RNF111: variants seen among roughly 807,000 people sequenced by gnomAD.
RNF111 encodes the protein E3 ubiquitin-protein ligase Arkadia.
Under a neutral mutation model 95.1 loss-of-function variants are expected in RNF111, and 17 were observed. The ratio of observed to expected loss-of-function variants is 0.18; its 90% CI spans 0.12 to 0.27. The LOEUF is 0.27. RNF111 is among the 10% of genes least tolerant of loss of function. The pLI is 1.00. For missense variants in RNF111, 1,189 were observed against 1,210.4 expected, an observed-to-expected ratio of 0.98 and a Z score of 0.26; for synonymous variants, 440 against 414.8, an observed-to-expected ratio of 1.06 and a Z score of -0.74.
intron 2 of RNF111, among the ~76,000 whole-genome samples, chr15:59,039,036 C>G (rs748205265): frequency 2.7e-4 from 41 of 152,198 alleles, no homozygotes; most frequent in African/African-American, 8.9e-4. Flanking sequence ...ACGATCTCAG[C>G]TCACCGCAAC....
intron 5 of RNF111, among the ~76,000 whole-genome samples, chr15:59,062,102 G>A (rs1430386741): frequency 2.0e-5 from 3 of 146,632 alleles, no homozygotes; most frequent in Non-Finnish European, 4.5e-5. Context: ...TGTCACGTAG[G>A]CTAGAGTGCA....
At position 59,029,931 on chromosome 15, in the gene RNF111, A is replaced by G. The variant is rs545676562; in HGVS notation, c.-19-873A>G. On this transcript the variant is annotated intron_variant, in intron 1 of 13. Transcript: ENST00000348370. Reference sequence around the variant, plus strand: ...TTGTTTATTCATGTTTTGCACTAGTAAAGCTCTTCATTTGTCACATTTACT... The same window carrying G: ...TTGTTTATTCATGTTTTGCACTAGTGAAGCTCTTCATTTGTCACATTTACT... Among the ~76,000 whole-genome samples, 5 of 152,350 alleles carry G rather than the reference A, an allele frequency of 3.3e-5. No homozygotes were observed. The South Asian group carries it at 1.0e-3, about 32-fold the overall frequency.
chr15:59,016,595 C>T (rs541969695), intron 1 of RNF111, among the ~76,000 whole-genome samples: 1 of 152,232 alleles, frequency 6.6e-6, no homozygotes, highest in East Asian at 1.9e-4. Context: ...TCATCTTGCT[C>T]GGCCCACCAT....
At chr15:59,041,752 A>G (rs951102561) in intron 2 of RNF111, among the ~76,000 whole-genome samples, 1 of 152,170 alleles carries the variant, frequency 6.6e-6, no homozygotes, top group Non-Finnish European at 1.5e-5. Flanking sequence ...CTCACCGGCA[A>G]GGGTGCCTGT....
intron 2 of RNF111, among the ~76,000 whole-genome samples, chr15:59,043,523 A>G (rs1210141047): frequency 5.3e-5 from 8 of 152,162 alleles, no homozygotes; most frequent in African/African-American, 1.9e-4. Flanking sequence ...CACTGCCATT[A>G]GTCATGAAGA....
chr15:59,016,149 A>G (rs2040054816), intron 1 of RNF111, among the ~76,000 whole-genome samples: 1 of 150,610 alleles, frequency 6.6e-6, no homozygotes, highest in African/African-American at 2.4e-5. Flanking sequence ...TTTTGGTTAA[A>G]AAATATATAT....
At chr15:59,027,217 A>C (rs2040659437) in intron 1 of RNF111, among the ~76,000 whole-genome samples, 1 of 152,154 alleles carries the variant, frequency 6.6e-6, no homozygotes, top group Admixed American at 6.5e-5. Flanking sequence ...TCAGCCCATA[A>C]AGACTCCAAG....
At chr15:59,073,094 G>T (rs1309540137) in intron 6 of RNF111, among the ~76,000 whole-genome samples, 3 of 152,046 alleles carry the variant, frequency 2.0e-5, no homozygotes, top group Non-Finnish European at 4.4e-5. Context: ...GATTGCTTGA[G>T]CTGGGTAGGT....
chr15:59,039,233 G>A (rs993149704), intron 2 of RNF111, among the ~76,000 whole-genome samples: 3 of 151,978 alleles, frequency 2.0e-5, no homozygotes, highest in African/African-American at 7.3e-5. Context: ...CAAAGTGCTG[G>A]GATTACAGGT....
At chr15:59,073,064 T>C (rs56334435) in intron 6 of RNF111, among the ~76,000 whole-genome samples, 116,750 of 151,848 alleles carry the variant, frequency 0.77, 45,330 homozygotes, top group Middle Eastern at 0.86. Context: ...CCTAGCTACT[T>C]GGGAGGCTGA....
At chr15:59,020,048 C>T (rs555033924) in intron 1 of RNF111, among the ~76,000 whole-genome samples, 113 of 150,348 alleles carry the variant, frequency 7.5e-4, no homozygotes, top group African/African-American at 2.7e-3. Flanking sequence ...GTTTAGTTCT[C>T]TTAGATTTTA....
intron 1 of RNF111, among the ~76,000 whole-genome samples, chr15:58,993,536 T>C (rs1448103358): frequency 6.6e-6 from 1 of 152,210 alleles, no homozygotes; most frequent in African/African-American, 2.4e-5. Flanking sequence ...AGACTCCATC[T>C]CAAAATTTGT....
intron 1 of RNF111, among the ~76,000 whole-genome samples, chr15:59,010,720 T>C (rs1182430060): frequency 6.6e-6 from 1 of 152,136 alleles, no homozygotes; most frequent in African/African-American, 2.4e-5. Context: ...TGTTTTAATC[T>C]TTGAAGTGTA....
At chr15:59,030,738 C>A in intron 1 of RNF111, 66 bp from the exon 2 acceptor site, 2 of 1,123,550 alleles carry the variant, frequency 1.8e-6, no homozygotes, top group Non-Finnish European at 2.5e-6. Flanking sequence ...AATTTGAGAA[C>A]TCTTCAATTA....
intron 1 of RNF111, among the ~76,000 whole-genome samples, chr15:59,029,170 G>GT (rs1210166795): frequency 1.9e-4 from 28 of 148,502 alleles, no homozygotes; most frequent in East Asian, 3.9e-4. Flanking sequence ...GGGTTCCAAT[G>GT]TTTTTTTTTT....
In RNF111 at chr15:59,009,084, C is replaced by T. The variant is rs904154223; in HGVS notation, c.-20+21016C>T. 3.9e-5 allele frequency among the ~76,000 whole-genome samples: 6 copies of T among 152,126 alleles called. No individual in the cohort carries two copies. The East Asian group carries it at 7.7e-4, about 20-fold the overall frequency. On this transcript the variant is annotated intron_variant, in intron 1 of 13. Coordinates refer to ENST00000348370, the MANE Select transcript of RNF111 (RefSeq NM_017610.8). ...AAGCGATTCTCTTGCCTCAGCCTCC[C>T]GAGCAGCTGGGATTATAGGTGCACC...
chr15:59,060,758 C>G (rs1455238655), intron 5 of RNF111, among the ~76,000 whole-genome samples: 2 of 151,852 alleles, frequency 1.3e-5, no homozygotes, highest in Non-Finnish European at 2.9e-5. Context: ...CTCATTGACT[C>G]CTGTCTCCTG....
intron 1 of RNF111, among the ~76,000 whole-genome samples, chr15:58,999,701 G>A (rs991120692): frequency 6.6e-6 from 1 of 152,116 alleles, no homozygotes; most frequent in African/African-American, 2.4e-5. Flanking sequence ...AATAGGGTAA[G>A]GGTATTAGTT....
chr15:59,031,758 A>T, intron 2 of RNF111, 56 bp downstream of exon 2: 1 of 1,493,228 alleles, frequency 6.7e-7, no homozygotes, highest in African/African-American at 1.4e-5. Context: ...ATTTGTGCTT[A>T]ATTTTTTGTT....
Sources: gnomAD v4.1 joint callset for allele counts (sites outside exome capture counted in the v4.1 genomes callset) on GRCh38, gnomAD v4.1.1 for gene constraint, MANE v1.5 for transcripts, NCBI Gene and HGNC (gene_info 2026-07-23, HGNC 2026-07-21) for gene names.